CRPPA: variants seen among roughly 807,000 people sequenced by gnomAD.
CRPPA encodes the protein CDP-L-ribitol pyrophosphorylase A.
In CRPPA, 43 loss-of-function variants were observed where a neutral mutation model predicts 52.0. The observed-to-expected ratio is 0.83, with a 90% CI of 0.65 to 1.07. CRPPA has a LOEUF of 1.07. Ranked by LOEUF, CRPPA falls within the 50% of genes least tolerant of loss-of-function variation. The pLI is 0.00. For missense variants in CRPPA, 629 were observed against 551.7 expected (o/e 1.14, Z -1.40); for synonymous variants, 250 against 203.5 (o/e 1.23, Z -1.94).
Position 16,376,182 on chromosome 7 carries a change from G to C in CRPPA, c.594C>G (p.Cys198Trp). The C allele has an allele frequency of 1.2e-6, 2 of 1,613,346 alleles. No individual in the cohort carries two copies. The highest frequency in any genetic ancestry group is 1.7e-6 in the Non-Finnish European group (2 of 1,179,600). The change falls in exon 3 of 10, where the codon TGC (cysteine) becomes TGG (tryptophan). Residue 198 changes from cysteine (C) to tryptophan (W), a missense_variant. Physicochemically the swap from Cys to Trp is radical, Grantham distance 215 (BLOSUM62 -2). Coordinates refer to ENST00000407010, the MANE Select transcript of CRPPA (RefSeq NM_001101426.4). The stretch of plus-strand genomic sequence containing the variant: ...TGGCACGTTCTAGCGAGTAGTCTAA[G>C]CAACCATCAGCAGATGGACTGACGA... The part of the protein sequence containing the change: ...STVVSPSADG[C>W]LDYSLERARH...
At chr7:16,108,068 G>GA (rs1583360848) in intron 9 of CRPPA, among the ~76,000 whole-genome samples, 1 of 151,526 alleles carries the variant, frequency 6.6e-6, no homozygotes, top group Admixed American at 6.6e-5. Flanking sequence ...CACAAGAGAA[G>GA]AAAAAAATAC....
chr7:16,319,369 T>A, intron 3 of CRPPA, among the ~76,000 whole-genome samples: 1 of 152,130 alleles, frequency 6.6e-6, no homozygotes, highest in East Asian at 1.9e-4. Flanking sequence ...CTGCCAGTCA[T>A]TCAGCCATCA....
intron 8 of CRPPA, 153 bp from the exon 9 acceptor site, chr7:16,216,350 C>T (rs1049171119): frequency 1.9e-5 from 10 of 516,692 alleles, no homozygotes; most frequent in Non-Finnish European, 2.7e-5. Flanking sequence ...TCAAGCCATA[C>T]TTAAGATCGA....
chr7:16,355,967 C>T (rs1045473048), intron 3 of CRPPA, among the ~76,000 whole-genome samples: 3 of 152,008 alleles, frequency 2.0e-5, no homozygotes, highest in South Asian at 4.1e-4. Flanking sequence ...ATGATTTGAT[C>T]GGTGATAGTA....
rs368521163 is a variant in CRPPA at position 16,342,763 on chromosome 7, C to CAAAAAAAAAAAAAA, written c.684+33315_684+33328dup. On this transcript the variant is annotated intron_variant, in intron 3 of 9. Coordinates refer to ENST00000407010, the MANE Select transcript of CRPPA (RefSeq NM_001101426.4). ...GGCAACAGGATGAACCCTGTCTCCACAAAAAAAAAAAAAAAAAAAATATAT... is the reference window on the plus strand; with the variant it reads ...GGCAACAGGATGAACCCTGTCTCCACAAAAAAAAAAAAAAAAAAAAAAAAAAAAAAAAAATATAT... 1.6e-3 allele frequency among the ~76,000 whole-genome samples: 107 copies of CAAAAAAAAAAAAAA among 64,896 alleles called. 10 individuals carry two copies. Among genetic ancestry groups the CAAAAAAAAAAAAAA allele is most frequent in the Non-Finnish European group, 1.8e-3 (61 of 34,090 alleles). The allele number at this position is 64,896 out of a possible 152,430, so 42.6% of individuals were successfully genotyped here. A position where few individuals can be genotyped will look rare whatever the true frequency, so the allele number is the denominator to read the frequency against.
intron 9 of CRPPA, among the ~76,000 whole-genome samples, chr7:16,128,537 A>G (rs948301169): frequency 1.4e-4 from 21 of 152,294 alleles, no homozygotes; most frequent in African/African-American, 4.8e-4. Flanking sequence ...TAATAGAAGA[A>G]GGATAAACCA....
At chr7:16,402,794 G>C (rs1787854106) in intron 2 of CRPPA, among the ~76,000 whole-genome samples, 1 of 152,074 alleles carries the variant, frequency 6.6e-6, no homozygotes, top group Admixed American at 6.6e-5. Context: ...ATGAGGACTG[G>C]ATAAGAGTGT....
intron 6 of CRPPA, among the ~76,000 whole-genome samples, chr7:16,267,218 C>T (rs1259123525): frequency 3.3e-5 from 5 of 152,150 alleles, no homozygotes; most frequent in African/African-American, 1.2e-4. Context: ...AAATTGTATA[C>T]TGAGACCATG....
At chr7:16,111,803 G>C (rs1782269691) in intron 9 of CRPPA, among the ~76,000 whole-genome samples, 1 of 152,150 alleles carries the variant, frequency 6.6e-6, no homozygotes, top group South Asian at 2.1e-4. Flanking sequence ...AGAAATCTCA[G>C]ACACGAGAAA....
At chr7:16,159,483 G>C (rs1474588339) in intron 9 of CRPPA, among the ~76,000 whole-genome samples, 3 of 152,114 alleles carry the variant, frequency 2.0e-5, no homozygotes, top group Admixed American at 1.3e-4. Context: ...TGAGAATGAT[G>C]GTTTCCACAT....
At position 16,148,494 on chromosome 7, in the gene CRPPA, T is replaced by C. The variant is rs562623154; in HGVS notation, c.1252-56695A>G. ...ATCCTGTCATTTGCAGAAGCATGGA[T>C]GAACCTCGAGGACATTATGTTAAGT... is the stretch of plus-strand genomic sequence containing the variant. On this transcript the variant is annotated intron_variant, in intron 9 of 9. Transcript: ENST00000407010. Among the ~76,000 whole-genome samples the C allele has an allele frequency of 4.3e-4, 65 of 152,224 alleles. 3 individuals are homozygous for C. The South Asian group carries it at 0.012, about 29-fold the overall frequency.
chr7:16,138,782 C>G (rs1003559821), intron 9 of CRPPA, among the ~76,000 whole-genome samples: 2 of 151,986 alleles, frequency 1.3e-5, no homozygotes, highest in Non-Finnish European at 2.9e-5. Context: ...TTTACCCCCC[C>G]ACACATTATT....
At chr7:16,306,993 C>T (rs867912290) in intron 4 of CRPPA, among the ~76,000 whole-genome samples, 7 of 152,086 alleles carry the variant, frequency 4.6e-5, no homozygotes, top group South Asian at 2.1e-4. Flanking sequence ...TTAAGATTAT[C>T]CTGAGACAAT....
chr7:16,378,807 C>T (rs992452434), intron 2 of CRPPA, among the ~76,000 whole-genome samples: 4 of 152,164 alleles, frequency 2.6e-5, no homozygotes, highest in African/African-American at 4.8e-5. Context: ...GCCATTCTAA[C>T]TTGTGTGAGA....
intron 6 of CRPPA, among the ~76,000 whole-genome samples, chr7:16,259,642 A>T (rs192104813): frequency 5.0e-4 from 76 of 152,102 alleles, no homozygotes; most frequent in South Asian, 4.8e-3. Context: ...TATTCTAATT[A>T]GCTTCTTTTA....
rs957257047 is a variant in CRPPA, at chr7:16,115,764, G to C, written c.1252-23965C>G. ...GGACAACATAAGGCAACATGAAGGAGCTCCCATTCACCACATGTGGGAAAA... is the reference window on the plus strand; with the variant it reads ...GGACAACATAAGGCAACATGAAGGACCTCCCATTCACCACATGTGGGAAAA... On this transcript the variant is annotated intron_variant, in intron 9 of 9. Transcript: ENST00000407010. Among the ~76,000 whole-genome samples the C allele has an allele frequency of 5.3e-5, 8 of 152,152 alleles. No individual in the cohort carries two copies. The South Asian group carries it at 1.2e-3, about 24-fold the overall frequency.
rs1562608311 is a variant in CRPPA at position 16,286,037 on chromosome 7, AAATATAAATATATAT to A, written c.836-7826_836-7812del. 6.6e-3 allele frequency among the ~76,000 whole-genome samples: 100 copies of A among 15,094 alleles called. 7 individuals are homozygous for A. Among genetic ancestry groups the A allele is most frequent in the African/African-American group, 0.033 (62 of 1,852 alleles). 9.9% of individuals were successfully genotyped at this position (15,094 alleles called of 152,430 possible). A position where few individuals can be genotyped will look rare whatever the true frequency, so the allele number is the denominator to read the frequency against. ...CTCCATCTCAAAAAAAAAAAAAAAA[AAATATAAATATATAT>A]ATATATATATATATATATATATATA... On this transcript the variant is annotated intron_variant, in intron 5 of 9. Transcript: ENST00000407010.
At chr7:16,215,944 T>G in intron 9 of CRPPA, 122 bp downstream of exon 9, 1 of 752,220 alleles carries the variant, frequency 1.3e-6, no homozygotes, top group South Asian at 2.1e-5. Flanking sequence ...CACACATAGA[T>G]GAGTAACTTT....
chr7:16,412,272 A>G (rs1788091728), intron 1 of CRPPA, among the ~76,000 whole-genome samples: 1 of 152,228 alleles, frequency 6.6e-6, no homozygotes, highest in South Asian at 2.1e-4. Context: ...AGTAAGTTTT[A>G]AAGCAACTTT....
Sources: allele counts gnomAD v4.1 joint callset (sites outside exome capture counted in the v4.1 genomes callset), GRCh38; gene constraint gnomAD v4.1.1; transcripts MANE v1.5; gene names NCBI Gene and HGNC (gene_info 2026-07-23, HGNC 2026-07-21).